The following ERBB4 variants were observed in gnomAD, a reference collection of about 807,000 sequenced individuals.
ERBB4 encodes the protein erb-b2 receptor tyrosine kinase 4.
Under a neutral mutation model 158.0 loss-of-function variants are expected in ERBB4, and 42 were observed. The ratio of observed to expected loss-of-function variants is 0.27; its 90% confidence interval spans 0.21 to 0.34. ERBB4 has a LOEUF of 0.34. Ranked by LOEUF, ERBB4 falls within the 10% of genes least tolerant of loss-of-function variation. ERBB4 has a pLI of 1.00. For missense variants in ERBB4, 1,333 were observed against 1,624.1 expected (o/e 0.82, Z 3.08); for synonymous variants, 583 against 558.7 (o/e 1.04, Z -0.61).
At chr2:211,865,924 C>A (rs754664822) in intron 3 of ERBB4, among the ~76,000 whole-genome samples, 10 of 152,112 alleles carry the variant, frequency 6.6e-5, no homozygotes, top group Non-Finnish European at 1.2e-4. Context: ...AAACACACCC[C>A]TTTGAAGCCC....
intron 3 of ERBB4, among the ~76,000 whole-genome samples, chr2:211,841,387 G>A (rs570214317): frequency 7.9e-5 from 12 of 152,074 alleles, no homozygotes; most frequent in South Asian, 4.1e-4. Flanking sequence ...TTCTAATTAT[G>A]GTTCTGAAAT....
chr2:211,744,830 A>T (rs1455579749), intron 5 of ERBB4, among the ~76,000 whole-genome samples: 1 of 152,222 alleles, frequency 6.6e-6, no homozygotes, highest in Non-Finnish European at 1.5e-5. Context: ...CTTTTCCCCA[A>T]TGTATGGAAA....
chr2:211,412,533 C>G (rs1217796256), intron 25 of ERBB4, among the ~76,000 whole-genome samples: 1 of 152,192 alleles, frequency 6.6e-6, no homozygotes, highest in African/African-American at 2.4e-5. Flanking sequence ...ATTATCTCCT[C>G]AACTAGAATA....
chr2:212,078,747 T>G (rs148565359), intron 2 of ERBB4, among the ~76,000 whole-genome samples: 1 of 151,630 alleles, frequency 6.6e-6, no homozygotes, highest in African/African-American at 2.4e-5. Context: ...GTAGTTTTTG[T>G]TTACAAACAC....
Position 211,882,335 on chromosome 2 carries a change from G to T in ERBB4, c.421+65095C>A, listed in dbSNP as rs1233739997. On this transcript the variant is annotated intron_variant, in intron 3 of 27. Coordinates refer to ENST00000342788, the MANE Select transcript of ERBB4 (RefSeq NM_005235.3). ...ATGGCTGGTATCATTGTTTATAAAT[G>T]TGTCTTGGATTTGATGGAGCTTATG... Among the ~76,000 whole-genome samples the T allele has an allele frequency of 2.6e-5, 4 of 152,298 alleles. No homozygotes were observed. In the East Asian group the frequency reaches 7.7e-4, roughly 29 times the overall value.
intron 1 of ERBB4, among the ~76,000 whole-genome samples, chr2:212,451,161 G>A (rs904188633): frequency 3.3e-5 from 5 of 152,146 alleles, no homozygotes; most frequent in African/African-American, 1.2e-4. Flanking sequence ...GGAGAAGGCC[G>A]TGAAAATAAA....
rs1156993053 is a variant in ERBB4, at chr2:212,362,915, T to TTTTTAAAA, written c.82+175526_82+175533dup. Among the ~76,000 whole-genome samples, 5 of 151,396 alleles carry TTTTTAAAA rather than the reference T, an allele frequency of 3.3e-5. No individual in the cohort carries two copies. The Admixed American group carries it at 3.3e-4, about 10-fold the overall frequency. ...TTGTCAAATATTACTTACAGCCTAA[T>TTTTTAAAA]TTTTAAAATTTGTGCCATGAAGATA... is the stretch of plus-strand genomic sequence containing the variant. On this transcript the variant is annotated intron_variant, in intron 1 of 27. Transcript: ENST00000342788.
chr2:212,044,303 G>A (rs1442825853), intron 2 of ERBB4, among the ~76,000 whole-genome samples: 2 of 152,082 alleles, frequency 1.3e-5, no homozygotes, highest in African/African-American at 4.8e-5. Flanking sequence ...AGAATCACCT[G>A]TAGCTGATTT....
intron 1 of ERBB4, among the ~76,000 whole-genome samples, chr2:212,483,496 T>C (rs951787322): frequency 2.0e-5 from 3 of 152,228 alleles, no homozygotes; most frequent in Non-Finnish European, 4.4e-5. Flanking sequence ...ATTTCTTACG[T>C]ATTTGTACCT....
intron 19 of ERBB4, among the ~76,000 whole-genome samples, chr2:211,570,039 A>G (rs2067667357): frequency 6.6e-6 from 1 of 152,136 alleles, no homozygotes; most frequent in South Asian, 2.1e-4. Context: ...TCAAACTTTC[A>G]AATGTTAGAG....
At chr2:212,093,805 T>C (rs2078849121) in intron 2 of ERBB4, among the ~76,000 whole-genome samples, 3 of 152,258 alleles carry the variant, frequency 2.0e-5, no homozygotes, top group African/African-American at 7.2e-5. Context: ...TGCTTTTATA[T>C]AATAAATAGC....
At chr2:211,482,335 A>G (rs2065104447) in intron 20 of ERBB4, among the ~76,000 whole-genome samples, 1 of 152,230 alleles carries the variant, frequency 6.6e-6, no homozygotes, top group Admixed American at 6.5e-5. Context: ...ACACTTCAGG[A>G]ATCATCAAAG....
At chr2:212,479,312 C>G (rs774114170) in intron 1 of ERBB4, among the ~76,000 whole-genome samples, 14 of 151,628 alleles carry the variant, frequency 9.2e-5, no homozygotes, top group South Asian at 2.1e-4. Context: ...CTTTCTCTCT[C>G]TTTCTCTTTC....
At chr2:211,720,689 T>A (rs1168559098) in intron 7 of ERBB4, among the ~76,000 whole-genome samples, 1 of 152,206 alleles carries the variant, frequency 6.6e-6, no homozygotes, top group African/African-American at 2.4e-5. Context: ...TTAGCTTTAT[T>A]CAGTGCTGTT....
intron 20 of ERBB4, among the ~76,000 whole-genome samples, chr2:211,465,525 C>A (rs148023325): frequency 1.5e-3 from 235 of 152,098 alleles, no homozygotes; most frequent in African/African-American, 5.5e-3. Context: ...AGGAGGAAGA[C>A]CTTTAAAGTA....
chr2:211,633,542 G>A (rs1574896365), intron 16 of ERBB4, among the ~76,000 whole-genome samples: 2 of 108,320 alleles, frequency 1.8e-5, no homozygotes, highest in Non-Finnish European at 1.8e-5. Context: ...ATTTAAACAA[G>A]AACACAAAGT....
chr2:211,672,863 G>A (rs956970289), intron 14 of ERBB4, among the ~76,000 whole-genome samples: 1 of 151,994 alleles, frequency 6.6e-6, no homozygotes, highest in Non-Finnish European at 1.5e-5. Context: ...TATTATGTTA[G>A]TGATTATGCT....
rs1303550084 is a variant in ERBB4, at chr2:212,119,174, T to G, written c.234+5578A>C. Among the ~76,000 whole-genome samples, 5 of 152,210 alleles carry G rather than the reference T, an allele frequency of 3.3e-5. No homozygotes were observed. The East Asian group carries it at 9.6e-4, about 29-fold the overall frequency. On this transcript the variant is annotated intron_variant, in intron 2 of 27. Transcript: ENST00000342788. ...TTAATGTATACTATTTCTAAAATAA[T>G]TTGCACACAACTAAATTCAAGCCAC...
chr2:212,295,955 C>T lies in ERBB4; in HGVS notation c.83-171052G>A, dbSNP rs562392427. 1.7e-3 allele frequency among the ~76,000 whole-genome samples: 266 copies of T among 152,056 alleles called. 1 individual carries two copies. The highest frequency in any genetic ancestry group is 6.8e-3 in the Middle Eastern group (2 of 294). On this transcript the variant is annotated intron_variant, in intron 1 of 27. Coordinates refer to ENST00000342788, the MANE Select transcript of ERBB4 (RefSeq NM_005235.3). ...TCAAAGCCATATTTCATGCAGTTAA[C>T]TCTTAATGTTTTGTTGTTTTATTTT...
Sources: gnomAD v4.1 joint callset for allele counts (sites outside exome capture counted in the v4.1 genomes callset) on GRCh38, gnomAD v4.1.1 for gene constraint, MANE v1.5 for transcripts, NCBI Gene and HGNC (gene_info 2026-07-23, HGNC 2026-07-21) for gene names.